The following GRID2 variants were observed in gnomAD, a reference collection of about 807,000 sequenced individuals.
GRID2 encodes the protein glutamate ionotropic receptor delta type subunit 2.
Under a neutral mutation model 114.8 loss-of-function variants are expected in GRID2, and 33 were observed. The observed-to-expected ratio is 0.29, with a 90% CI of 0.22 to 0.38. GRID2 has a LOEUF of 0.38. Ranked by LOEUF, GRID2 falls within the 10% of genes least tolerant of loss-of-function variation. The pLI, the probability that GRID2 is intolerant of heterozygous loss-of-function variation, is 1.00. For synonymous variants in GRID2, 505 were observed against 449.9 expected (o/e 1.12, Z -1.55); for missense variants, 1,184 against 1,257.7 (o/e 0.94, Z 0.89).
At chr4:93,734,923 A>C (rs1730794817) in intron 14 of GRID2, among the ~76,000 whole-genome samples, 1 of 152,060 alleles carries the variant, frequency 6.6e-6, no homozygotes, top group African/African-American at 2.4e-5. Flanking sequence ...AGCAACATTA[A>C]ACATTAATAA....
chr4:92,881,881 CTTT>C (rs1177486516), intron 2 of GRID2, among the ~76,000 whole-genome samples: 1 of 152,078 alleles, frequency 6.6e-6, no homozygotes, highest in African/African-American at 2.4e-5. Flanking sequence ...AAGTATTATA[CTTT>C]TAAACATATT....
chr4:92,368,987 C>A (rs1048717530), intron 1 of GRID2, among the ~76,000 whole-genome samples: 1 of 150,650 alleles, frequency 6.6e-6, no homozygotes, highest in Non-Finnish European at 1.5e-5. Context: ...TTCAAAAGAC[C>A]GTGTGAGATC....
At chr4:92,538,198 T>A (rs1725749260) in intron 1 of GRID2, among the ~76,000 whole-genome samples, 1 of 152,196 alleles carries the variant, frequency 6.6e-6, no homozygotes, top group Admixed American at 6.5e-5. Context: ...AAACAGTTCA[T>A]GAGAAACAGA....
intron 1 of GRID2, among the ~76,000 whole-genome samples, chr4:92,556,493 A>C (rs1224751107): frequency 6.6e-6 from 1 of 152,094 alleles, no homozygotes; most frequent in Non-Finnish European, 1.5e-5. Flanking sequence ...GTATTAGTTA[A>C]CTACTGTTAT....
rs1408831191 is a variant in GRID2 at position 93,066,329 on chromosome 4, A to G, written c.245-18666A>G. 2.6e-5 allele frequency among the ~76,000 whole-genome samples: 4 copies of G among 152,038 alleles called. 1 individual carries two copies. The highest frequency in any genetic ancestry group is 6.6e-5 in the Admixed American group (1 of 15,204). ...ACTATTAAACCTTTGGTCACTAAATAGACCATTATTTGATGAGGATAAGAG... is the reference window on the plus strand; with the variant it reads ...ACTATTAAACCTTTGGTCACTAAATGGACCATTATTTGATGAGGATAAGAG... On this transcript the variant is annotated intron_variant, in intron 2 of 15. Transcript: ENST00000282020.
intron 1 of GRID2, among the ~76,000 whole-genome samples, chr4:92,373,736 A>G (rs1014483189): frequency 6.6e-6 from 1 of 152,192 alleles, no homozygotes; most frequent in African/African-American, 2.4e-5. Flanking sequence ...ACTAATATTT[A>G]TCAAACTTTT....
chr4:93,498,751 T>G (rs892291140), intron 12 of GRID2, among the ~76,000 whole-genome samples: 1 of 151,862 alleles, frequency 6.6e-6, no homozygotes, highest in Non-Finnish European at 1.5e-5. Flanking sequence ...TTCTTTCTCA[T>G]CCAGATACCT....
intron 2 of GRID2, among the ~76,000 whole-genome samples, chr4:92,824,453 G>C (rs1264635266): frequency 6.6e-6 from 1 of 151,810 alleles, no homozygotes; most frequent in African/African-American, 2.4e-5. Flanking sequence ...CTTCTGTCTT[G>C]GGTGCTAGTT....
At chr4:93,024,783 C>T (rs969548207) in intron 2 of GRID2, among the ~76,000 whole-genome samples, 6 of 151,682 alleles carry the variant, frequency 4.0e-5, no homozygotes, top group African/African-American at 1.2e-4. Flanking sequence ...GCTCAGCCTC[C>T]CACTTATCCA....
intron 3 of GRID2, among the ~76,000 whole-genome samples, chr4:93,089,755 A>G (rs1244276823): frequency 2.6e-5 from 4 of 152,122 alleles, no homozygotes; most frequent in African/African-American, 4.8e-5. Flanking sequence ...GCAAGCTAGC[A>G]AGTTAGCCTG....
At chr4:93,028,626 C>T (rs975020031) in intron 2 of GRID2, among the ~76,000 whole-genome samples, 3 of 151,834 alleles carry the variant, frequency 2.0e-5, no homozygotes, top group Non-Finnish European at 2.9e-5. Flanking sequence ...TATGTGTATA[C>T]AATTTTTCCA....
intron 1 of GRID2, among the ~76,000 whole-genome samples, chr4:92,424,994 A>C (rs79951194): frequency 6.6e-6 from 1 of 151,946 alleles, no homozygotes; most frequent in Non-Finnish European, 1.5e-5. Context: ...TAAGTCTTGT[A>C]TTGTTATTAA....
intron 8 of GRID2, among the ~76,000 whole-genome samples, chr4:93,291,234 A>G (rs932512974): frequency 1.3e-5 from 2 of 152,222 alleles, no homozygotes; most frequent in Admixed American, 6.5e-5. Flanking sequence ...AGAGCATTAC[A>G]TCATTTCATC....
chr4:92,304,413 G>A lies in GRID2; in HGVS notation c.-244G>A, dbSNP rs1725270146. 3 of 572,480 alleles carry A rather than the reference G, an allele frequency of 5.2e-6. No homozygotes were observed. Among genetic ancestry groups the A allele is most frequent in the Non-Finnish European group, 9.2e-6 (3 of 324,584 alleles). 35.5% of individuals were successfully genotyped at this position (572,480 alleles called of 1,614,324 possible). A position where few individuals can be genotyped will look rare whatever the true frequency, so the allele number is the denominator to read the frequency against. ...AAAAGCCAAACTGCAAACAACTCTGGCGATGCCAAAATTCCCCTCCAAGTG... is the reference window on the plus strand; with the variant it reads ...AAAAGCCAAACTGCAAACAACTCTGACGATGCCAAAATTCCCCTCCAAGTG... On this transcript the variant is annotated 5_prime_UTR_variant, in exon 1 of 16. Coordinates refer to ENST00000282020, the MANE Select transcript of GRID2 (RefSeq NM_001510.4).
At chr4:92,477,776 TATTA>T (rs1473744627) in intron 1 of GRID2, among the ~76,000 whole-genome samples, 2 of 147,618 alleles carry the variant, frequency 1.4e-5, no homozygotes, top group African/African-American at 2.5e-5. Flanking sequence ...CTTTTATATA[TATTA>T]ATTATATTAA....
chr4:92,711,747 A>G (rs1045193804), intron 2 of GRID2, among the ~76,000 whole-genome samples: 2 of 152,126 alleles, frequency 1.3e-5, no homozygotes, highest in African/African-American at 4.8e-5. Flanking sequence ...TACAAAAAAT[A>G]CAAAAATTAG....
chr4:93,088,202 G>A (rs1371374753), intron 3 of GRID2, among the ~76,000 whole-genome samples: 2 of 151,954 alleles, frequency 1.3e-5, no homozygotes, highest in African/African-American at 4.8e-5. Context: ...AAAGAAAACT[G>A]ATATCTTTGC....
At chr4:92,348,875 C>T (rs989752438) in intron 1 of GRID2, among the ~76,000 whole-genome samples, 1 of 152,006 alleles carries the variant, frequency 6.6e-6, no homozygotes, top group Non-Finnish European at 1.5e-5. Context: ...GGGTAGATAA[C>T]AAAGAGATTG....
At chr4:92,475,083 A>G (rs1722231786) in intron 1 of GRID2, among the ~76,000 whole-genome samples, 2 of 149,810 alleles carry the variant, frequency 1.3e-5, no homozygotes, top group Middle Eastern at 3.5e-3. Flanking sequence ...ACTAACTGGC[A>G]CATTGTGCAT....
Sources: gnomAD v4.1 joint callset for allele counts (sites outside exome capture counted in the v4.1 genomes callset) on GRCh38, gnomAD v4.1.1 for gene constraint, MANE v1.5 for transcripts, NCBI Gene and HGNC (gene_info 2026-07-23, HGNC 2026-07-21) for gene names.